AK9: variants seen among roughly 807,000 people sequenced by gnomAD.
AK9 encodes adenylate kinase domain containing 1.
A neutral mutation model predicts 239.6 loss-of-function variants in AK9; 191 were observed. The ratio of observed to expected loss-of-function variants is 0.80; its 90% CI spans 0.71 to 0.90. AK9 has a LOEUF of 0.90. Among genes scored for constraint, AK9 ranks in the 40% least tolerant of loss-of-function variants. The pLI is 0.00. For missense variants in AK9, 1,995 were observed against 2,214.7 expected (o/e 0.90, Z 1.99); for synonymous variants, 689 against 721.0 (o/e 0.96, Z 0.71).
chr6:109,641,507 A>G lies in AK9; in HGVS notation c.933+11T>C. The G allele has an allele frequency of 6.2e-7, 1 of 1,602,288 alleles. No homozygotes were observed. Among genetic ancestry groups the G allele is most frequent in the Admixed American group, 1.7e-5 (1 of 59,912 alleles). On this transcript the variant is annotated intron_variant, in intron 10 of 40. Transcript: ENST00000424296. Reference sequence around the variant, plus strand: ...GAAAATTAGACTTTCAGACAGTTCCATATAACTTACATTTTCCATTGTGTC... The same window carrying G: ...GAAAATTAGACTTTCAGACAGTTCCGTATAACTTACATTTTCCATTGTGTC...
At chr6:109,654,835 G>C (rs1489477679) in intron 8 of AK9, among the ~76,000 whole-genome samples, 1 of 152,174 alleles carries the variant, frequency 6.6e-6, no homozygotes, top group Non-Finnish European at 1.5e-5. Context: ...ATGCAGCTCA[G>C]TTTGCTCCTG....
At position 109,545,851 on chromosome 6, in the gene AK9, A is replaced by C. The variant is rs1783486053; in HGVS notation, c.3225+16T>G. On this transcript the variant is annotated intron_variant, in intron 26 of 40. Transcript: ENST00000424296. ...CAAAAACAAAACAAACAAAAAACAA[A>C]AAAAGAGATTACTACCTGCTTTTTT... 6.3e-7 allele frequency: 1 copy of C among 1,578,168 alleles called. No individual in the cohort carries two copies. Among genetic ancestry groups the C allele is most frequent in the East Asian group, 2.2e-5 (1 of 44,640 alleles).
chr6:109,510,400 C>T (rs993135539), intron 32 of AK9, among the ~76,000 whole-genome samples: 7 of 151,998 alleles, frequency 4.6e-5, no homozygotes, highest in Non-Finnish European at 7.4e-5. Flanking sequence ...AGAGAGGATA[C>T]TCCTCTCTGC....
At chr6:109,500,353 T>C (rs564481491) in intron 35 of AK9, among the ~76,000 whole-genome samples, 98 of 152,280 alleles carry the variant, frequency 6.4e-4, no homozygotes, top group Middle Eastern at 3.4e-3. Context: ...AAAATGTAAG[T>C]ACACACATAA....
intron 21 of AK9, among the ~76,000 whole-genome samples, chr6:109,568,750 C>T (rs972279193): frequency 1.3e-5 from 2 of 152,126 alleles, no homozygotes; most frequent in African/African-American, 4.8e-5. Context: ...TCAAGGAGAA[C>T]TACAAACCAC....
intron 20 of AK9, among the ~76,000 whole-genome samples, chr6:109,574,033 T>C (rs141267918): frequency 2.0e-3 from 300 of 152,290 alleles, no homozygotes; most frequent in African/African-American, 6.7e-3. Flanking sequence ...AAAGATTTAA[T>C]ATGAAAAACT....
At chr6:109,679,087 T>C (rs947277508) in intron 1 of AK9, among the ~76,000 whole-genome samples, 3 of 152,004 alleles carry the variant, frequency 2.0e-5, no homozygotes. Context: ...CAGTGGCGCC[T>C]GGAACGCCAG....
chr6:109,614,906 C>A (rs1291300077), intron 13 of AK9, among the ~76,000 whole-genome samples: 1 of 152,052 alleles, frequency 6.6e-6, no homozygotes, highest in Non-Finnish European at 1.5e-5. Flanking sequence ...AGTAGAGTTA[C>A]TCCTATTGTC....
chr6:109,573,660 T>A, intron 20 of AK9, 66 bp from the exon 21 acceptor site: 1 of 1,445,152 alleles, frequency 6.9e-7, no homozygotes, highest in Non-Finnish European at 9.3e-7. Flanking sequence ...TGGGTGTTGA[T>A]AAGTGCTGAA....
chr6:109,634,362 A>C (rs1796466846), intron 10 of AK9, among the ~76,000 whole-genome samples: 1 of 152,226 alleles, frequency 6.6e-6, no homozygotes, highest in African/African-American at 2.4e-5. Context: ...CCAGGCTCCA[A>C]ATAAACTTAT....
At chr6:109,639,631 G>A (rs147494687) in intron 10 of AK9, among the ~76,000 whole-genome samples, 3,881 of 152,158 alleles carry the variant, frequency 0.026, 91 homozygotes, top group East Asian at 0.11. Flanking sequence ...TTCTTTTGCT[G>A]GGCAGAAGCT....
intron 17 of AK9, among the ~76,000 whole-genome samples, chr6:109,596,813 G>A (rs1215086494): frequency 6.6e-6 from 1 of 152,154 alleles, no homozygotes; most frequent in Non-Finnish European, 1.5e-5. Flanking sequence ...TATGAGTGCA[G>A]GTATCTTTTT....
chr6:109,580,603 T>C (rs992889524), intron 19 of AK9, among the ~76,000 whole-genome samples: 31 of 152,172 alleles, frequency 2.0e-4, no homozygotes, highest in African/African-American at 7.0e-4. Flanking sequence ...TCCGCGTTCT[T>C]TGCATCCATT....
At chr6:109,642,310 TAA>T (rs1187555767) in intron 9 of AK9, among the ~76,000 whole-genome samples, 1 of 151,934 alleles carries the variant, frequency 6.6e-6, no homozygotes, top group African/African-American at 2.4e-5. Context: ...TCTGGAAAAA[TAA>T]AAGAGGCCAG....
intron 24 of AK9, among the ~76,000 whole-genome samples, chr6:109,555,382 GT>G (rs1267825346): frequency 6.6e-6 from 1 of 152,174 alleles, no homozygotes; most frequent in East Asian, 1.9e-4. Context: ...GAGACTGTTT[GT>G]TATGATTTCA....
chr6:109,600,954 G>T (rs138438235), intron 17 of AK9, among the ~76,000 whole-genome samples: 6,174 of 152,158 alleles, frequency 0.041, 174 homozygotes, highest in South Asian at 0.089. Flanking sequence ...TTGTCTATTT[G>T]ATGCTTCTCT....
At chr6:109,615,400 GAATT>G (rs1794061388) in intron 13 of AK9, among the ~76,000 whole-genome samples, 6 of 151,950 alleles carry the variant, frequency 3.9e-5, no homozygotes, top group Admixed American at 2.6e-4. Flanking sequence ...TTTGTTGAAT[GAATT>G]AATAAATTCA....
chr6:109,593,097 G>A (rs1450433659), intron 17 of AK9, among the ~76,000 whole-genome samples: 2 of 151,914 alleles, frequency 1.3e-5, no homozygotes, highest in African/African-American at 2.4e-5. Context: ...GGTTAATTCA[G>A]AAGCCCTGTC....
chr6:109,686,618 TGCTGTG>T (rs1215629715), intron 1 of AK9, among the ~76,000 whole-genome samples: 1 of 152,198 alleles, frequency 6.6e-6, no homozygotes, highest in Non-Finnish European at 1.5e-5. Flanking sequence ...GGTCCCACAA[TGCTGTG>T]GTATGTAAGG....
Sources: allele counts gnomAD v4.1 joint callset (sites outside exome capture counted in the v4.1 genomes callset), GRCh38; gene constraint gnomAD v4.1.1; transcripts MANE v1.5; gene names NCBI Gene and HGNC (gene_info 2026-07-23, HGNC 2026-07-21).